Variants in OR4D9 observed in about 807,000 individuals in gnomAD.
The protein encoded by OR4D9 is olfactory receptor family 4 subfamily D member 9.
A neutral mutation model predicts 0.8 loss-of-function variants in OR4D9; 2 were observed. The observed-to-expected ratio is 2.58, with a 90% CI of 1.06 to 8.13. OR4D9 has a LOEUF of 8.13. Among genes scored for constraint, OR4D9 ranks in the 30% most tolerant of loss-of-function variants. OR4D9 has a pLI of 0.04. For missense variants in OR4D9, 399 were observed against 384.7 expected, an observed-to-expected ratio of 1.04 and a Z score of -0.31; for synonymous variants, 146 against 151.2, an observed-to-expected ratio of 0.97 and a Z score of 0.25.
rs919109472 is a variant in OR4D9, at chr11:59,520,654, T to C, written c.*4797T>C. Reference sequence around the variant, plus strand: ...AGATAAATGAAGTCAATTGAGGAGATAATAGGGTTTTATTTTTTCTTTTCC... The same window carrying C: ...AGATAAATGAAGTCAATTGAGGAGACAATAGGGTTTTATTTTTTCTTTTCC... On this transcript the variant is annotated 3_prime_UTR_variant, in exon 3 of 3. Transcript: ENST00000641962. The C allele has an allele frequency of 1.3e-5, 2 of 152,058 alleles. No individual in the cohort carries two copies. Among genetic ancestry groups the C allele is most frequent in the African/African-American group, 4.8e-5 (2 of 41,402 alleles). 9.4% of individuals were successfully genotyped at this position (152,058 alleles called of 1,614,324 possible). A position where few individuals can be genotyped will look rare whatever the true frequency, so the allele number is the denominator to read the frequency against.
At chr11:59,513,829 G>A (rs1007337813) in intron 1 of OR4D9, among the ~76,000 whole-genome samples, 6 of 152,124 alleles carry the variant, frequency 3.9e-5, no homozygotes, top group Admixed American at 3.9e-4. Flanking sequence ...AATTATTCAG[G>A]TGTGGTGACA....
At position 59,517,219 on chromosome 11, in the gene OR4D9, A is replaced by G. The variant is rs1180052989; in HGVS notation, c.*1362A>G. ...CACTGCACTCCAGCCTGAGCAACAG[A>G]TCAAGACACTTGTCAAAAAAAAAAA... On this transcript the variant is annotated 3_prime_UTR_variant, in exon 3 of 3. Transcript: ENST00000641962. 1.3e-5 allele frequency: 2 copies of G among 151,190 alleles called. No individual in the cohort carries two copies. The highest frequency in any genetic ancestry group is 3.0e-5 in the Non-Finnish European group (2 of 67,728). The allele number at this position is 151,190 out of a possible 1,614,324, so 9.4% of individuals were successfully genotyped here.
At chr11:59,512,764 G>A (rs532774725) in intron 1 of OR4D9, among the ~76,000 whole-genome samples, 5 of 151,854 alleles carry the variant, frequency 3.3e-5, no homozygotes, top group Admixed American at 2.0e-4. Flanking sequence ...CCCAGGAAGC[G>A]GAGGTTGCAG....
rs747965342 is a variant in OR4D9 at position 59,515,690 on chromosome 11, C to T, written c.778C>T (p.Arg260Trp). The T allele has an allele frequency of 3.3e-5, 53 of 1,614,116 alleles. No homozygotes were observed. The highest frequency in any genetic ancestry group is 5.0e-5 in the Admixed American group (3 of 60,012). ...HFVPCIYVYA[R>W]PFTALPTDTA... ...CGTGCCCTGCATCTATGTCTATGCC[C>T]GGCCCTTCACTGCCCTCCCCACAGA... The change falls in exon 3 of 3, where the codon CGG becomes TGG. Residue 260 changes from arginine (R) to tryptophan (W), a missense_variant. By Grantham distance (101) the Arg-to-Trp change is moderately radical (BLOSUM62 -3). Coordinates refer to ENST00000641962, the MANE Select transcript of OR4D9 (RefSeq NM_001004711.2).
At chr11:59,514,790 T>C (rs1006973182) in intron 2 of OR4D9, 24 bp downstream of exon 2, 1 of 665,002 alleles carries the variant, frequency 1.5e-6, no homozygotes. Flanking sequence ...GAAAAGAGCT[T>C]CCTCCTAATT....
rs111323455 is a variant in OR4D9, at chr11:59,519,353, CA to C, written c.*3509del. 3.4e-3 allele frequency: 406 copies of C among 120,184 alleles called. No individual in the cohort carries two copies. Among genetic ancestry groups the C allele is most frequent in the Middle Eastern group, 4.0e-3 (1 of 250 alleles). The allele number at this position is 120,184 out of a possible 1,614,324, so 7.4% of individuals were successfully genotyped here. ...TGGGCAAAAGAGTGAGACCCTGTCTCAAAAAAAAAAAAAGAAAAAGTTTGCT... is the reference window on the plus strand; with the variant it reads ...TGGGCAAAAGAGTGAGACCCTGTCTCAAAAAAAAAAAAGAAAAAGTTTGCT... On this transcript the variant is annotated 3_prime_UTR_variant, in exon 3 of 3. Transcript: ENST00000641962.
intron 1 of OR4D9, among the ~76,000 whole-genome samples, chr11:59,513,264 G>A (rs1032740480): frequency 5.9e-5 from 9 of 152,030 alleles, no homozygotes; most frequent in Non-Finnish European, 1.0e-4. Flanking sequence ...TAGTAGAGAC[G>A]GGGTTTTAAC....
rs778799061 is a variant in OR4D9 at position 59,515,733 on chromosome 11, C to A, written c.821C>A (p.Thr274Asn). 18 of 1,613,990 alleles carry A rather than the reference C, an allele frequency of 1.1e-5. No individual in the cohort carries two copies. Among genetic ancestry groups the A allele is most frequent in the Non-Finnish European group, 1.5e-5 (18 of 1,180,034 alleles). Residue 274 changes from threonine (T) to asparagine (N), a missense_variant, in exon 3 of 3, where the codon ACC (threonine) becomes AAC (asparagine). Physicochemically the swap from Thr to Asn is moderately conservative, Grantham distance 65 (BLOSUM62 0). Transcript: ENST00000641962. ...CCCACAGACACTGCCATCTCTGTCACCTTCACTGTCATCTCCCCTTTGCTC... is the reference window on the plus strand; with the variant it reads ...CCCACAGACACTGCCATCTCTGTCAACTTCACTGTCATCTCCCCTTTGCTC... ...ALPTDTAISV[T>N]FTVISPLLNP...
intron 1 of OR4D9, among the ~76,000 whole-genome samples, chr11:59,513,489 G>A (rs1030773995): frequency 1.3e-5 from 2 of 152,190 alleles, no homozygotes; most frequent in African/African-American, 4.8e-5. Flanking sequence ...GGATTATTCA[G>A]CACAACATTA....
rs1455646196 is a variant in OR4D9, at chr11:59,511,644, A to G, written c.-227A>G. On this transcript the variant is annotated 5_prime_UTR_variant, in exon 1 of 3. Coordinates refer to ENST00000641962, the MANE Select transcript of OR4D9 (RefSeq NM_001004711.2). ...CAGCAGTTAGTATTAGTGCCTATGA[A>G]CTTCTGAAACTGAAAAGCTGTTTGT... is the stretch of plus-strand genomic sequence containing the variant. The G allele has an allele frequency of 1.3e-5, 2 of 152,226 alleles. No homozygotes were observed. The highest frequency in any genetic ancestry group is 2.1e-4 in the South Asian group (1 of 4,830). 9.4% of individuals were successfully genotyped at this position (152,226 alleles called of 1,614,324 possible). A position where few individuals can be genotyped will look rare whatever the true frequency, so the allele number is the denominator to read the frequency against.
chr11:59,518,689 G>C lies in OR4D9; in HGVS notation c.*2832G>C, dbSNP rs1007785794. ...GGCATGAGACACCTCACCTGAACAT[G>C]CTCATGCTGTCTTATGCTCCACAGT... On this transcript the variant is annotated 3_prime_UTR_variant, in exon 3 of 3. Transcript: ENST00000641962. The C allele has an allele frequency of 6.6e-6, 1 of 152,126 alleles. No homozygotes were observed. The highest frequency in any genetic ancestry group is 2.4e-5 in the African/African-American group (1 of 41,414). 9.4% of individuals were successfully genotyped at this position (152,126 alleles called of 1,614,324 possible).
In OR4D9 at chr11:59,515,346, T is replaced by C; in HGVS notation, c.434T>C (p.Ile145Thr). 2 of 1,613,894 alleles carry C rather than the reference T, an allele frequency of 1.2e-6. No homozygotes were observed. Among genetic ancestry groups the C allele is most frequent in the Non-Finnish European group, 1.7e-6 (2 of 1,179,952 alleles). Residue 145 changes from isoleucine (I) to threonine (T), a missense_variant, in exon 3 of 3, where the codon ATC becomes ACC. Ile to Thr is a moderately conservative substitution (Grantham distance 89). Coordinates refer to ENST00000641962, the MANE Select transcript of OR4D9 (RefSeq NM_001004711.2). ...IMSRGRCTGLIVASWVGGFVH... is the reference protein window; with the variant it reads ...IMSRGRCTGLTVASWVGGFVH... ...AGTAGGGGGCGATGCACAGGCCTCA[T>C]CGTGGCTTCCTGGGTGGGGGGCTTT...
rs575705203 is a variant in OR4D9 at position 59,514,477 on chromosome 11, G to T, written c.-124-196G>T. On this transcript the variant is annotated intron_variant, in intron 1 of 2. Coordinates refer to ENST00000641962, the MANE Select transcript of OR4D9 (RefSeq NM_001004711.2). Reference sequence around the variant, plus strand: ...GAGGCTCTTTATATATTCTGAACATGAGTCATTTCTCAGATAAATGTATTG... The same window carrying T: ...GAGGCTCTTTATATATTCTGAACATTAGTCATTTCTCAGATAAATGTATTG... 7.9e-5 allele frequency among the ~76,000 whole-genome samples: 12 copies of T among 152,276 alleles called. No homozygotes were observed. The South Asian group carries it at 2.5e-3, about 32-fold the overall frequency.
chr11:59,516,972 G>A lies in OR4D9; in HGVS notation c.*1115G>A, dbSNP rs1437120947. 1 of 152,098 alleles carries A rather than the reference G, an allele frequency of 6.6e-6. No individual in the cohort carries two copies. The highest frequency in any genetic ancestry group is 2.4e-5 in the African/African-American group (1 of 41,346). 9.4% of individuals were successfully genotyped at this position (152,098 alleles called of 1,614,324 possible). A position where few individuals can be genotyped will look rare whatever the true frequency, so the allele number is the denominator to read the frequency against. ...TAGTCCCAGCTACTGGGGAGGCTGAGGCGGGAGAATGGCATGAACCCGGGA... is the reference window on the plus strand; with the variant it reads ...TAGTCCCAGCTACTGGGGAGGCTGAAGCGGGAGAATGGCATGAACCCGGGA... On this transcript the variant is annotated 3_prime_UTR_variant, in exon 3 of 3. Coordinates refer to ENST00000641962, the MANE Select transcript of OR4D9 (RefSeq NM_001004711.2).
At position 59,515,004 on chromosome 11, in the gene OR4D9, T is replaced by G; in HGVS notation, c.92T>G (p.Leu31Arg). 6.2e-7 allele frequency: 1 copy of G among 1,614,098 alleles called. No individual in the cohort carries two copies. Among genetic ancestry groups the G allele is most frequent in the African/African-American group, 1.3e-5 (1 of 75,042 alleles). ...RELSQVLFTF[L>R]FLVYMTTLMG... ...CTGAGCCAGGTCTTATTTACCTTCC[T>G]GTTTTTGGTGTACATGACAACTCTA... Residue 31 changes from leucine to arginine, a missense_variant, in exon 3 of 3, where the codon CTG becomes CGG. Transcript: ENST00000641962.
Position 59,512,471 on chromosome 11 carries a change from C to T in OR4D9, c.-125+725C>T, listed in dbSNP as rs188105378. Among the ~76,000 whole-genome samples the T allele has an allele frequency of 8.2e-3, 1,016 of 123,288 alleles. 17 individuals are homozygous for T. The highest frequency in any genetic ancestry group is 0.031 in the African/African-American group (950 of 30,414). The allele number at this position is 123,288 out of a possible 152,430, so 80.9% of individuals were successfully genotyped here. ...CAGCCTGGGCGACACAGCGAGACTC[C>T]ATCTCAAAAAAAAAAAAAAAAAGAA... On this transcript the variant is annotated intron_variant, in intron 1 of 2. Coordinates refer to ENST00000641962, the MANE Select transcript of OR4D9 (RefSeq NM_001004711.2).
intron 1 of OR4D9, among the ~76,000 whole-genome samples, chr11:59,513,477 C>T (rs1859357613): frequency 6.6e-6 from 1 of 152,148 alleles, no homozygotes; most frequent in Admixed American, 6.5e-5. Flanking sequence ...TCTTTGGTCC[C>T]TGGATTATTC....
In OR4D9 at chr11:59,520,069, G is replaced by C. The variant is rs182394197; in HGVS notation, c.*4212G>C. The C allele has an allele frequency of 2.0e-4, 30 of 152,130 alleles. No individual in the cohort carries two copies. Among genetic ancestry groups the C allele is most frequent in the Admixed American group, 1.7e-3 (26 of 15,274 alleles). 9.4% of individuals were successfully genotyped at this position (152,130 alleles called of 1,614,324 possible). On this transcript the variant is annotated 3_prime_UTR_variant, in exon 3 of 3. Transcript: ENST00000641962. ...AGGCCTACTTGAGGGGAGGAGGGTGGGAAGAGTGTGAGGTCAGAAAACTAC... is the reference window on the plus strand; with the variant it reads ...AGGCCTACTTGAGGGGAGGAGGGTGCGAAGAGTGTGAGGTCAGAAAACTAC...
Position 59,517,086 on chromosome 11 carries a change from TAATA to T in OR4D9, c.*1240_*1243del, listed in dbSNP as rs1438724604. ...TCTGTCCAAAAATAATAATAATAAT[TAATA>T]AATAAATAAAAATTAACCAGACATG... On this transcript the variant is annotated 3_prime_UTR_variant, in exon 3 of 3. Coordinates refer to ENST00000641962, the MANE Select transcript of OR4D9 (RefSeq NM_001004711.2). 1 of 150,742 alleles carries T rather than the reference TAATA, an allele frequency of 6.6e-6. No individual in the cohort carries two copies. Among genetic ancestry groups the T allele is most frequent in the African/African-American group, 2.4e-5 (1 of 41,028 alleles). The allele number at this position is 150,742 out of a possible 1,614,324, so 9.3% of individuals were successfully genotyped here. A position where few individuals can be genotyped will look rare whatever the true frequency, so the allele number is the denominator to read the frequency against.
Sources: gnomAD v4.1 joint callset for allele counts (sites outside exome capture counted in the v4.1 genomes callset) on GRCh38, gnomAD v4.1.1 for gene constraint, MANE v1.5 for transcripts, NCBI Gene and HGNC (gene_info 2026-07-23, HGNC 2026-07-21) for gene names.